C7orf78: variants seen among roughly 807,000 people sequenced by gnomAD.
The protein encoded by C7orf78 is putative uncharacterized protein C7orf78.
At chr7:12,514,265 C>G in the C7orf78 span, among the ~76,000 whole-genome samples, 2,804 of 152,190 alleles carry the variant, frequency 0.018, 92 homozygotes, top group African/African-American at 0.064. Flanking sequence ...TTGTTATGTT[C>G]TCTTGCTGAA....
the C7orf78 span, among the ~76,000 whole-genome samples, chr7:12,538,983 G>C: frequency 6.6e-6 from 1 of 152,158 alleles, no homozygotes; most frequent in African/African-American, 2.4e-5. Flanking sequence ...AGCTCAGCAA[G>C]CATTCATCCA....
chr7:12,489,107 G>A, the C7orf78 span, among the ~76,000 whole-genome samples: 26 of 151,866 alleles, frequency 1.7e-4, no homozygotes, highest in Admixed American at 1.7e-3. Flanking sequence ...AGAAGTATTG[G>A]GGCATATTAA....
the C7orf78 span, among the ~76,000 whole-genome samples, chr7:12,494,080 A>C: frequency 6.6e-6 from 1 of 152,224 alleles, no homozygotes; most frequent in Admixed American, 6.5e-5. Context: ...AACAGGCTAA[A>C]TAAGGTAGTG....
At chr7:12,492,054 A>G in the C7orf78 span, 1 of 152,168 alleles carries the variant, frequency 6.6e-6, no homozygotes, top group Non-Finnish European at 1.5e-5. Context: ...GATTCAATGG[A>G]CTTACTTGGG....
the C7orf78 span, among the ~76,000 whole-genome samples, chr7:12,498,452 G>C: frequency 6.6e-6 from 1 of 151,500 alleles, no homozygotes; most frequent in Non-Finnish European, 1.5e-5. Flanking sequence ...AGCCTCAGGA[G>C]CCGATGCGAT....
the C7orf78 span, among the ~76,000 whole-genome samples, chr7:12,509,994 A>G: frequency 6.7e-6 from 1 of 149,954 alleles, no homozygotes; most frequent in East Asian, 2.0e-4. Context: ...AGACCACGCC[A>G]TTGCACTCCA....
chr7:12,494,503 G>A, the C7orf78 span, among the ~76,000 whole-genome samples: 2 of 152,162 alleles, frequency 1.3e-5, no homozygotes, highest in African/African-American at 2.4e-5. Flanking sequence ...AGCAAGCTCT[G>A]AACATCAGAA....
chr7:12,484,945 CT>C, the C7orf78 span, among the ~76,000 whole-genome samples: 3 of 152,070 alleles, frequency 2.0e-5, no homozygotes, highest in Non-Finnish European at 4.4e-5. Flanking sequence ...CTCATAGCAA[CT>C]AATTTATATT....
the C7orf78 span, among the ~76,000 whole-genome samples, chr7:12,498,256 G>C: frequency 6.6e-6 from 1 of 152,138 alleles, no homozygotes; most frequent in Non-Finnish European, 1.5e-5. Context: ...CGAGCTGAGA[G>C]AAGAAGGCTT....
the C7orf78 span, among the ~76,000 whole-genome samples, chr7:12,512,403 G>A: frequency 1.9e-3 from 286 of 152,240 alleles, 3 homozygotes; most frequent in African/African-American, 6.3e-3. Flanking sequence ...ATAAAGTGGT[G>A]TGGAATTTTA....
At chr7:12,510,456 T>A in the C7orf78 span, among the ~76,000 whole-genome samples, 1 of 152,210 alleles carries the variant, frequency 6.6e-6, no homozygotes, top group South Asian at 2.1e-4. Context: ...CTGGATATTA[T>A]GGTAGTTCTG....
chr7:12,512,898 A>T, the C7orf78 span, among the ~76,000 whole-genome samples: 123 of 152,184 alleles, frequency 8.1e-4, no homozygotes, highest in African/African-American at 2.9e-3. Flanking sequence ...ATTTAATTTT[A>T]GTCGGTTGTA....
At chr7:12,534,084 CTTTA>C in the C7orf78 span, among the ~76,000 whole-genome samples, 1 of 152,152 alleles carries the variant, frequency 6.6e-6, no homozygotes, top group South Asian at 2.1e-4. Flanking sequence ...AATAAAATGG[CTTTA>C]TTTTTCTCAA....
chr7:12,520,947 A>G, the C7orf78 span, among the ~76,000 whole-genome samples: 1 of 152,260 alleles, frequency 6.6e-6, no homozygotes, highest in East Asian at 1.9e-4. Flanking sequence ...TCCTTAATAT[A>G]CTTCTTAATC....
the C7orf78 span, chr7:12,528,920 C>T: frequency 2.8e-5 from 11 of 398,310 alleles, no homozygotes; most frequent in South Asian, 1.3e-4. Context: ...TACCAGTTAC[C>T]GAAAGATGAT....
chr7:12,514,355 T>C, the C7orf78 span, among the ~76,000 whole-genome samples: 34 of 152,160 alleles, frequency 2.2e-4, no homozygotes, highest in African/African-American at 8.0e-4. Flanking sequence ...TTTTATCTGA[T>C]ATAAGTACAG....
the C7orf78 span, among the ~76,000 whole-genome samples, chr7:12,518,089 G>A: frequency 5.3e-5 from 8 of 152,168 alleles, no homozygotes; most frequent in Non-Finnish European, 1.2e-4. Context: ...CTTTGATTCT[G>A]AATGTGTGCA....
At chr7:12,530,114 C>CA in the C7orf78 span, among the ~76,000 whole-genome samples, 1 of 152,128 alleles carries the variant, frequency 6.6e-6, no homozygotes, top group South Asian at 2.1e-4. Context: ...ACCTCAGATT[C>CA]AAAGATTCCC....
the C7orf78 span, among the ~76,000 whole-genome samples, chr7:12,512,266 A>G: frequency 6.6e-6 from 1 of 152,022 alleles, no homozygotes; most frequent in African/African-American, 2.4e-5. Flanking sequence ...GCCTTGTTAC[A>G]CTTCTTAGAG....
Sources: allele counts gnomAD v4.1 joint callset (sites outside exome capture counted in the v4.1 genomes callset), GRCh38; gene constraint gnomAD v4.1.1; transcripts MANE v1.5; gene names NCBI Gene and HGNC (gene_info 2026-07-23, HGNC 2026-07-21).